The following PLCG2 variants were observed in gnomAD, a reference collection of about 807,000 sequenced individuals.
The protein encoded by PLCG2 is 1-phosphatidylinositol 4,5-bisphosphate phosphodiesterase gamma-2.
PLCG2 carries 69 observed loss-of-function variants against 175.6 expected under a neutral mutation model. The ratio of observed to expected loss-of-function variants is 0.39; its 90% CI spans 0.32 to 0.48. The LOEUF (loss-of-function observed/expected upper bound fraction) is 0.48. Ranked by LOEUF, PLCG2 falls within the 20% of genes least tolerant of loss-of-function variation. The pLI is 0.91. For missense variants in PLCG2, 1,798 were observed against 1,650.9 expected (o/e 1.09, Z -1.54); for synonymous variants, 827 against 624.0 (o/e 1.33, Z -4.85).
chr16:81,761,318 T>G (rs1465111836), intron 2 of PLCG2, among the ~76,000 whole-genome samples: 2 of 152,108 alleles, frequency 1.3e-5, no homozygotes, highest in Non-Finnish European at 2.9e-5. Flanking sequence ...TGAGCTATGG[T>G]CAAGCCGCTA....
intron 2 of PLCG2, among the ~76,000 whole-genome samples, chr16:81,854,175 A>G (rs1020951672): frequency 1.3e-5 from 2 of 152,180 alleles, no homozygotes; most frequent in Non-Finnish European, 2.9e-5. Context: ...CTAGTTTAAA[A>G]TGTGTCTGTC....
intron 1 of PLCG2, among the ~76,000 whole-genome samples, chr16:81,750,805 C>T (rs1909796540): frequency 6.7e-6 from 1 of 149,710 alleles, no homozygotes; most frequent in Admixed American, 6.7e-5. Flanking sequence ...GTACTTGGGA[C>T]TACAGGCGCC....
intron 21 of PLCG2, chr16:81,921,633 A>G (rs3922850): frequency 0.41 from 137,875 of 335,890 alleles, 29,527 homozygotes; most frequent in Non-Finnish European, 0.45. Flanking sequence ...TGCAAATGCT[A>G]TCTCATATTC....
intron 12 of PLCG2, 50 bp from the exon 13 acceptor site, chr16:81,895,757 G>T: frequency 6.2e-7 from 1 of 1,607,856 alleles, no homozygotes. Context: ...TGACCTCGGG[G>T]CTGTCAGTGA....
intron 2 of PLCG2, among the ~76,000 whole-genome samples, chr16:81,810,799 G>T (rs1904311575): frequency 6.6e-6 from 1 of 152,186 alleles, no homozygotes; most frequent in Admixed American, 6.5e-5. Flanking sequence ...TCTGATAGAA[G>T]GAGACAGGGT....
At chr16:81,942,865 G>GTATT (rs1406149164) in intron 30 of PLCG2, among the ~76,000 whole-genome samples, 3 of 150,672 alleles carry the variant, frequency 2.0e-5, no homozygotes, top group Non-Finnish European at 4.5e-5. Flanking sequence ...AAAGGTGTCT[G>GTATT]TATTTCCCTT....
chr16:81,798,366 C>T (rs934975660), intron 2 of PLCG2: 2 of 152,254 alleles, frequency 1.3e-5, no homozygotes, highest in African/African-American at 4.8e-5. Context: ...GTGTCCTCCT[C>T]CTGCTCTTCT....
chr16:81,900,842 C>T (rs1040195037), intron 14 of PLCG2, 62 bp downstream of exon 14: 3 of 1,485,896 alleles, frequency 2.0e-6, no homozygotes, highest in Non-Finnish European at 2.8e-6. Context: ...TTCCCCGGCT[C>T]TGGGTCCCGT....
chr16:81,940,805 C>T (rs572644059), intron 30 of PLCG2, among the ~76,000 whole-genome samples: 1 of 152,264 alleles, frequency 6.6e-6, no homozygotes, highest in Admixed American at 6.5e-5. Context: ...CTCTCCTTAG[C>T]TTCTATATAG....
At chr16:81,771,367 A>T in intron 2 of PLCG2, among the ~76,000 whole-genome samples, 1 of 152,032 alleles carries the variant, frequency 6.6e-6, no homozygotes, top group East Asian at 1.9e-4. Flanking sequence ...AGCCAGGACT[A>T]TTCTGACTTC....
Position 81,907,763 on chromosome 16 carries a change from G to A in PLCG2, c.1546G>A (p.Glu516Lys), listed in dbSNP as rs968560555. The A allele has an allele frequency of 3.7e-6, 6 of 1,613,144 alleles. No individual in the cohort carries two copies. The highest frequency in any genetic ancestry group is 5.1e-6 in the Non-Finnish European group (6 of 1,179,372). ...TGACATTGAACAGACTATGGAGGAG[G>A]AAGTGCCCCAGGTAGGGGGACACCC... ...SDDIEQTMEE[E>K]VPQDIPPTEL... Residue 516 changes from glutamate to lysine, a missense_variant, in exon 16 of 33, where the codon GAA (glutamate) becomes AAA (lysine). Glu to Lys is a moderately conservative substitution (Grantham distance 56, BLOSUM62 1). Coordinates refer to ENST00000564138, the MANE Select transcript of PLCG2 (RefSeq NM_002661.5).
intron 2 of PLCG2, among the ~76,000 whole-genome samples, chr16:81,815,563 T>G (rs925523293): frequency 6.6e-5 from 10 of 152,206 alleles, no homozygotes; most frequent in African/African-American, 2.4e-4. Flanking sequence ...ACTCAGCCTG[T>G]TGTTCTGAAG....
Position 81,927,165 on chromosome 16 carries a change from A to G in PLCG2, c.2501A>G (p.Glu834Gly), listed in dbSNP as rs754958154. 5 of 1,610,970 alleles carry G rather than the reference A, an allele frequency of 3.1e-6. No individual in the cohort carries two copies. Among genetic ancestry groups the G allele is most frequent in the Non-Finnish European group, 4.2e-6 (5 of 1,177,234 alleles). The change falls in exon 23 of 33, where the codon GAG (glutamate) becomes GGG (glycine). Residue 834 changes from glutamate (E) to glycine (G), a missense_variant. By Grantham distance (98) the Glu-to-Gly change is moderately conservative. Coordinates refer to ENST00000564138, the MANE Select transcript of PLCG2 (RefSeq NM_002661.5). The stretch of plus-strand genomic sequence containing the variant: ...GACATCTCAACTGCAGACTTCGAGG[A>G]GCTAGAAAAGCAGGTGAGTCCCCCT... The part of the protein sequence containing the change: ...VEDISTADFE[E>G]LEKQIIEDNP...
At chr16:81,908,696 C>T in intron 17 of PLCG2, 105 bp downstream of exon 17, 1 of 980,698 alleles carries the variant, frequency 1.0e-6, no homozygotes, top group Non-Finnish European at 1.5e-6. Flanking sequence ...AGGCTGGGAC[C>T]TGAATCCCAG....
In PLCG2 at chr16:81,919,539, C is replaced by G. The variant is rs1432762755; in HGVS notation, c.2110C>G (p.Leu704Val). 6.2e-7 allele frequency: 1 copy of G among 1,614,002 alleles called. No homozygotes were observed. The highest frequency in any genetic ancestry group is 8.5e-7 in the Non-Finnish European group (1 of 1,180,002). Residue 704 changes from leucine (L) to valine (V), a missense_variant, in exon 20 of 33, where the codon CTG (leucine) becomes GTG (valine). Physicochemically the swap from Leu to Val is conservative, Grantham distance 32. Coordinates refer to ENST00000564138, the MANE Select transcript of PLCG2 (RefSeq NM_002661.5). ...CAACCGGGACGGCCGGCACTTTGTG[C>G]TGGGGACCTCCGCCTATTTTGAGAG... ...RINRDGRHFV[L>V]GTSAYFESLV...
chr16:81,940,738 G>T (rs1457407263), intron 30 of PLCG2, among the ~76,000 whole-genome samples: 1 of 152,150 alleles, frequency 6.6e-6, no homozygotes, highest in African/African-American at 2.4e-5. Flanking sequence ...CCAGGTGAGG[G>T]GATTTGGGAC....
At chr16:81,870,388 C>A (rs1907455079) in intron 6 of PLCG2, among the ~76,000 whole-genome samples, 1 of 152,132 alleles carries the variant, frequency 6.6e-6, no homozygotes, top group Admixed American at 6.5e-5. Context: ...TGTCTGACTC[C>A]CAATGCTTTA....
At chr16:81,747,733 T>C (rs1019931881) in intron 1 of PLCG2, among the ~76,000 whole-genome samples, 2 of 152,012 alleles carry the variant, frequency 1.3e-5, no homozygotes, top group African/African-American at 4.8e-5. Context: ...CCTAAATCTA[T>C]TATGAGGAAA....
chr16:81,850,075 G>A (rs979052750), intron 2 of PLCG2, among the ~76,000 whole-genome samples: 1 of 152,148 alleles, frequency 6.6e-6, no homozygotes, highest in African/African-American at 2.4e-5. Context: ...AAGTAAACAA[G>A]GAGACTCCGT....
Sources: allele counts gnomAD v4.1 joint callset (sites outside exome capture counted in the v4.1 genomes callset), GRCh38; gene constraint gnomAD v4.1.1; transcripts MANE v1.5; gene names NCBI Gene and HGNC (gene_info 2026-07-23, HGNC 2026-07-21).